The following CSF1R variants were observed in gnomAD, a reference collection of about 807,000 sequenced individuals.
CSF1R encodes the protein macrophage colony-stimulating factor 1 receptor.
CSF1R carries 40 observed loss-of-function variants against 110.0 expected under a neutral mutation model. The ratio of observed to expected loss-of-function variants is 0.36; its 90% CI spans 0.28 to 0.47. The LOEUF is 0.47. CSF1R is among the 20% of genes least tolerant of loss of function. CSF1R has a pLI of 0.99. For missense variants in CSF1R, 1,052 were observed against 1,253.0 expected, an observed-to-expected ratio of 0.84 and a Z score of 2.42; for synonymous variants, 523 against 503.4, an observed-to-expected ratio of 1.04 and a Z score of -0.52.
At chr5:150,071,077 C>T (rs1758011917) in intron 6 of CSF1R, among the ~76,000 whole-genome samples, 1 of 152,142 alleles carries the variant, frequency 6.6e-6, no homozygotes, top group Admixed American at 6.5e-5. Flanking sequence ...TCTCTGATCC[C>T]TCACTTCCTT....
rs781580976 is a variant in CSF1R, at chr5:150,070,265, G to A, written c.1236C>T (p.Asn412=). The A allele has an allele frequency of 2.1e-5, 34 of 1,614,040 alleles. No individual in the cohort carries two copies. The highest frequency in any genetic ancestry group is 4.0e-5 in the African/African-American group (3 of 74,922). ...PEVSVIWTFI[N]GSGTLLCAAS... is the part of the protein sequence containing the mutation. ...CAGCACACAAAAGGGTGCCAGAGCC[G>A]TTGATGAATGTCCATATGACGCTTA... Residue 412 remains asparagine (N), a synonymous_variant, in exon 8 of 21, where the codon AAC becomes AAT. Coordinates refer to ENST00000675795, the MANE Select transcript of CSF1R (RefSeq NM_001288705.3).
chr5:150,080,339 A>G lies in CSF1R; in HGVS notation c.308-3T>C. On this transcript the variant is annotated splice_polypyrimidine_tract_variant and splice_region_variant and intron_variant, in intron 2 of 20. Coordinates refer to ENST00000675795, the MANE Select transcript of CSF1R (RefSeq NM_001288705.3). Reference sequence around the variant, plus strand: ...CACGTTCCAGGGCCGGGCAGGGTCTAGAGTAGAGGAGGGCACAGGGTTACA... The same window carrying G: ...CACGTTCCAGGGCCGGGCAGGGTCTGGAGTAGAGGAGGGCACAGGGTTACA... 6.2e-7 allele frequency: 1 copy of G among 1,611,062 alleles called. No homozygotes were observed. The highest frequency in any genetic ancestry group is 8.5e-7 in the Non-Finnish European group (1 of 1,178,238).
intron 1 of CSF1R, among the ~76,000 whole-genome samples, chr5:150,104,502 A>G (rs184385493): frequency 6.6e-6 from 1 of 152,304 alleles, no homozygotes; most frequent in Admixed American, 6.5e-5. Flanking sequence ...GCATCCCAGC[A>G]TTTTCCTTGC....
intron 14 of CSF1R, 57 bp downstream of exon 14, chr5:150,059,643 A>C: frequency 6.3e-7 from 1 of 1,590,536 alleles, no homozygotes; most frequent in Non-Finnish European, 8.6e-7. Context: ...CTTTGAAGAC[A>C]GACTCGGATC....
chr5:150,058,219 G>A (rs1320553866), intron 14 of CSF1R: 1 of 456,256 alleles, frequency 2.2e-6, no homozygotes, highest in South Asian at 1.5e-5. Context: ...GAATCAGCAG[G>A]CCTGGGTGGA....
At chr5:150,070,881 G>C (rs1403135210) in intron 6 of CSF1R, among the ~76,000 whole-genome samples, 1 of 152,182 alleles carries the variant, frequency 6.6e-6, no homozygotes, top group Non-Finnish European at 1.5e-5. Context: ...ACTGGACTAA[G>C]CTTTCATGAA....
In CSF1R at chr5:150,077,248, G is replaced by A. The variant is rs3829987; in HGVS notation, c.889+28C>T. The A allele has an allele frequency of 0.06, 96,849 of 1,613,674 alleles. 8,484 individuals carry two copies. The highest frequency in any genetic ancestry group is 0.35 in the African/African-American group (26,255 of 74,928). ...CTCACACTCCTGCAGGATCCCTACCGACTGTCCACCACCACCCTGATGCTT... is the reference window on the plus strand; with the variant it reads ...CTCACACTCCTGCAGGATCCCTACCAACTGTCCACCACCACCCTGATGCTT... On this transcript the variant is annotated intron_variant, in intron 5 of 20. Coordinates refer to ENST00000675795, the MANE Select transcript of CSF1R (RefSeq NM_001288705.3).
At chr5:150,079,647 C>G (rs1268180759) in intron 3 of CSF1R, among the ~76,000 whole-genome samples, 1 of 152,258 alleles carries the variant, frequency 6.6e-6, no homozygotes, top group Non-Finnish European at 1.5e-5. Flanking sequence ...CACCTCACCA[C>G]TTGGTACTCA....
chr5:150,084,474 A>T (rs1367414323), intron 1 of CSF1R, among the ~76,000 whole-genome samples: 1 of 135,330 alleles, frequency 7.4e-6, no homozygotes, highest in Non-Finnish European at 1.6e-5. Flanking sequence ...AAGGAAGGAG[A>T]TGGAGTCTTG....
chr5:150,092,683 C>A (rs977816045), intron 1 of CSF1R, among the ~76,000 whole-genome samples: 3 of 152,092 alleles, frequency 2.0e-5, no homozygotes, highest in Non-Finnish European at 4.4e-5. Context: ...TTAATCACTA[C>A]CACGAGAACA....
upstream of CSF1R, chr5:150,086,590 C>T (rs1450782253): frequency 5.1e-6 from 3 of 591,176 alleles, no homozygotes; most frequent in African/African-American, 1.8e-5. Context: ...TGGGCTGATC[C>T]TCTTCTTCCC....
At chr5:150,095,807 A>C (rs1759206450) in intron 1 of CSF1R, among the ~76,000 whole-genome samples, 1 of 151,842 alleles carries the variant, frequency 6.6e-6, no homozygotes, top group Admixed American at 6.6e-5. Context: ...GCAAATATCA[A>C]GAATGGAAAG....
rs774532598 is a variant in CSF1R at position 150,054,237 on chromosome 5, G to T, written c.2764-13C>A. 1.9e-6 allele frequency: 3 copies of T among 1,612,700 alleles called. No individual in the cohort carries two copies. Among genetic ancestry groups the T allele is most frequent in the Non-Finnish European group, 8.5e-7 (1 of 1,179,370 alleles). On this transcript the variant is annotated splice_polypyrimidine_tract_variant and intron_variant, in intron 20 of 20. Coordinates refer to ENST00000675795, the MANE Select transcript of CSF1R (RefSeq NM_001288705.3). ...GATTGGTATAGTCCTGAGGGTGGGAGGGACCAGAAACTGTCAGTCCAGATC... is the reference window on the plus strand; with the variant it reads ...GATTGGTATAGTCCTGAGGGTGGGATGGACCAGAAACTGTCAGTCCAGATC...
chr5:150,093,862 GA>G (rs1759123940), intron 1 of CSF1R, among the ~76,000 whole-genome samples: 2 of 152,110 alleles, frequency 1.3e-5, no homozygotes, highest in African/African-American at 2.4e-5. Flanking sequence ...TCAGGAGTTC[GA>G]GACTAGCCTG....
At chr5:150,078,008 GC>G (rs1758349610) in intron 4 of CSF1R, 103 bp downstream of exon 4, 1 of 1,482,882 alleles carries the variant, frequency 6.7e-7, no homozygotes, top group African/African-American at 1.4e-5. Context: ...TGTGCCTTCA[GC>G]TAAGACAGCC....
chr5:150,054,711 G>C (rs1309646000), intron 19 of CSF1R: 1 of 381,940 alleles, frequency 2.6e-6, no homozygotes, highest in Non-Finnish European at 4.7e-6. Context: ...TTAGGGACAG[G>C]TGCAGTGGCT....
chr5:150,069,727 G>A lies in CSF1R; in HGVS notation c.1510+146C>T, dbSNP rs1026959032. 4 of 724,266 alleles carry A rather than the reference G, an allele frequency of 5.5e-6. No individual in the cohort carries two copies. The Admixed American group carries it at 8.8e-5, about 16-fold the overall frequency. 44.9% of individuals were successfully genotyped at this position (724,266 alleles called of 1,614,324 possible). Reference sequence around the variant, plus strand: ...CAGGAGGGGCTTGGACTGGCCCAGAGAGGTGGACCTTGGTACTGCTAGGAT... The same window carrying A: ...CAGGAGGGGCTTGGACTGGCCCAGAAAGGTGGACCTTGGTACTGCTAGGAT... On this transcript the variant is annotated intron_variant, in intron 9 of 20. Transcript: ENST00000675795.
At chr5:150,096,899 G>T (rs932633107) in intron 1 of CSF1R, among the ~76,000 whole-genome samples, 35 of 152,296 alleles carry the variant, frequency 2.3e-4, no homozygotes, top group Admixed American at 6.5e-5. Flanking sequence ...AACAAGGCAA[G>T]GATGTCTGTT....
rs545900148 is a variant in CSF1R at position 150,070,594 on chromosome 5, G to A, written c.1083-23C>T. The A allele has an allele frequency of 4.6e-5, 68 of 1,477,156 alleles. No individual in the cohort carries two copies. In the African/African-American group the frequency reaches 8.8e-4, roughly 19 times the overall value. 91.5% of individuals were successfully genotyped at this position (1,477,156 alleles called of 1,614,324 possible). A position where few individuals can be genotyped will look rare whatever the true frequency, so the allele number is the denominator to read the frequency against. On this transcript the variant is annotated intron_variant, in intron 6 of 20. Transcript: ENST00000675795. Reference sequence around the variant, plus strand: ...TGCCTGCAGGAGAGAATCAGGTGGTGTTGGTGAGCCCCAGCCTAGTATGGC... The same window carrying A: ...TGCCTGCAGGAGAGAATCAGGTGGTATTGGTGAGCCCCAGCCTAGTATGGC...
Sources: allele counts gnomAD v4.1 joint callset (sites outside exome capture counted in the v4.1 genomes callset), GRCh38; gene constraint gnomAD v4.1.1; transcripts MANE v1.5; gene names NCBI Gene and HGNC (gene_info 2026-07-23, HGNC 2026-07-21).